Variants in TTC28 observed in about 807,000 individuals in gnomAD.
The protein encoded by TTC28 is tetratricopeptide repeat domain 28, also known as tetratricopeptide repeat protein 28.
TTC28 carries 61 observed loss-of-function variants against 198.0 expected under a neutral mutation model. The observed-to-expected ratio is 0.31, with a 90% CI of 0.25 to 0.38. The LOEUF (loss-of-function observed/expected upper bound fraction) is 0.38, where lower values mean the gene tolerates loss of function less well. Ranked by LOEUF, TTC28 falls within the 10% of genes least tolerant of loss-of-function variation. TTC28 has a pLI of 1.00. For missense variants in TTC28, 2,678 were observed against 3,164.0 expected (o/e 0.85, Z 3.69); for synonymous variants, 1,171 against 1,297.8 (o/e 0.90, Z 2.10).
intron 2 of TTC28, among the ~76,000 whole-genome samples, chr22:28,357,315 ATTTT>A (rs11415868): frequency 2.6e-5 from 3 of 113,486 alleles, no homozygotes; most frequent in Admixed American, 1.0e-4. Flanking sequence ...CAAATTTCTT[ATTTT>A]TTTTTTTTTT....
chr22:28,069,821 T>C (rs1940895664), intron 12 of TTC28, among the ~76,000 whole-genome samples: 1 of 152,002 alleles, frequency 6.6e-6, no homozygotes, highest in Admixed American at 6.6e-5. Flanking sequence ...ACGGAGTTTG[T>C]ATTTCTAGGA....
chr22:28,264,688 G>A (rs546922849), intron 5 of TTC28, among the ~76,000 whole-genome samples: 4 of 152,278 alleles, frequency 2.6e-5, no homozygotes, highest in South Asian at 2.1e-4. Flanking sequence ...CCTTGGTTGT[G>A]GAGAATGTTA....
chr22:28,142,648 T>A (rs1298077051), intron 6 of TTC28, among the ~76,000 whole-genome samples: 3 of 152,130 alleles, frequency 2.0e-5, no homozygotes, highest in Non-Finnish European at 2.9e-5. Flanking sequence ...GGAAACAAAC[T>A]GCTGTAATAA....
At chr22:28,336,692 T>G (rs1337561297) in intron 2 of TTC28, among the ~76,000 whole-genome samples, 1 of 152,236 alleles carries the variant, frequency 6.6e-6, no homozygotes, top group Non-Finnish European at 1.5e-5. Context: ...GATATCCGCT[T>G]TATCATTTTT....
intron 2 of TTC28, among the ~76,000 whole-genome samples, chr22:28,359,100 G>A (rs939507750): frequency 4.6e-5 from 7 of 152,106 alleles, no homozygotes; most frequent in African/African-American, 9.7e-5. Flanking sequence ...ATTCCACTGC[G>A]CTATAAGGGT....
At chr22:28,427,824 A>C (rs1038753097) in intron 2 of TTC28, among the ~76,000 whole-genome samples, 1 of 151,988 alleles carries the variant, frequency 6.6e-6, no homozygotes, top group African/African-American at 2.4e-5. Flanking sequence ...AGGTAAATTA[A>C]GTCGAATAAA....
intron 2 of TTC28, among the ~76,000 whole-genome samples, chr22:28,519,551 A>G (rs1365042043): frequency 1.3e-5 from 2 of 152,204 alleles, no homozygotes; most frequent in Non-Finnish European, 2.9e-5. Flanking sequence ...GTTCATTTCT[A>G]CCAGATGTTT....
chr22:28,164,363 A>C (rs1300359279), intron 5 of TTC28, among the ~76,000 whole-genome samples: 6 of 152,094 alleles, frequency 3.9e-5, no homozygotes, highest in Non-Finnish European at 8.8e-5. Flanking sequence ...GGGTCTCTGA[A>C]CCCCGAGTAG....
chr22:28,626,239 C>T (rs1396326741), intron 2 of TTC28, among the ~76,000 whole-genome samples: 5 of 152,052 alleles, frequency 3.3e-5, no homozygotes, highest in African/African-American at 9.7e-5. Context: ...TCCCATAGTG[C>T]TTTGTTCATA....
intron 14 of TTC28, chr22:28,007,979 A>T (rs1937993390): frequency 1.3e-5 from 2 of 152,174 alleles, no homozygotes; most frequent in South Asian, 4.1e-4. Flanking sequence ...CTCAATCAGA[A>T]ATCAATTAGA....
chr22:28,244,357 C>A (rs1254052119), intron 5 of TTC28, among the ~76,000 whole-genome samples: 2 of 152,186 alleles, frequency 1.3e-5, no homozygotes, highest in Non-Finnish European at 2.9e-5. Flanking sequence ...CCTCCTTCAA[C>A]CACTACATTT....
intron 2 of TTC28, among the ~76,000 whole-genome samples, chr22:28,553,095 G>A (rs1308263576): frequency 6.6e-6 from 1 of 152,216 alleles, no homozygotes; most frequent in Non-Finnish European, 1.5e-5. Flanking sequence ...AGTGCTCAAT[G>A]GTGCCCAGGC....
chr22:28,328,356 C>T (rs554683373), intron 2 of TTC28, among the ~76,000 whole-genome samples: 2 of 152,138 alleles, frequency 1.3e-5, no homozygotes, highest in South Asian at 2.1e-4. Flanking sequence ...GCAGGAGAAT[C>T]GCTGAGCCCA....
intron 5 of TTC28, among the ~76,000 whole-genome samples, chr22:28,276,120 T>C (rs1317866920): frequency 1.3e-5 from 2 of 152,070 alleles, no homozygotes; most frequent in Non-Finnish European, 2.9e-5. Context: ...CCAATGATCT[T>C]CCCACCTCAG....
chr22:28,402,595 A>C (rs556130277), intron 2 of TTC28, among the ~76,000 whole-genome samples: 3 of 152,320 alleles, frequency 2.0e-5, no homozygotes, highest in Non-Finnish European at 4.4e-5. Context: ...TAAAGTATCC[A>C]AGTATAGAAC....
intron 12 of TTC28, among the ~76,000 whole-genome samples, chr22:28,066,395 T>C (rs1940755784): frequency 6.6e-6 from 1 of 151,882 alleles, no homozygotes; most frequent in Non-Finnish European, 1.5e-5. Context: ...GATACAGTGT[T>C]AACTATAGTC....
intron 2 of TTC28, among the ~76,000 whole-genome samples, chr22:28,494,387 T>A (rs1285824003): frequency 4.6e-5 from 7 of 152,204 alleles, no homozygotes; most frequent in Non-Finnish European, 1.0e-4. Context: ...TAAATGGTCA[T>A]AGTCTAGGCC....
At chr22:28,170,520 A>G (rs1326075795) in intron 5 of TTC28, among the ~76,000 whole-genome samples, 1 of 151,882 alleles carries the variant, frequency 6.6e-6, no homozygotes, top group Non-Finnish European at 1.5e-5. Context: ...AAGAAAATCG[A>G]AATTAATTAC....
intron 5 of TTC28, among the ~76,000 whole-genome samples, chr22:28,291,298 A>T (rs1267168226): frequency 1.3e-5 from 2 of 152,188 alleles, no homozygotes; most frequent in East Asian, 3.8e-4. Context: ...ATTTGAACAC[A>T]AAGTGCCTAA....
Sources: allele counts gnomAD v4.1 joint callset (sites outside exome capture counted in the v4.1 genomes callset), GRCh38; gene constraint gnomAD v4.1.1; transcripts MANE v1.5; gene names NCBI Gene and HGNC (gene_info 2026-07-23, HGNC 2026-07-21).